AFG1L: variants seen among roughly 807,000 people sequenced by gnomAD.
AFG1L encodes AFG1-like ATPase.
Under a neutral mutation model 62.2 loss-of-function variants are expected in AFG1L, and 53 were observed. The ratio of observed to expected loss-of-function variants is 0.85; its 90% CI spans 0.68 to 1.07. The LOEUF is 1.07. AFG1L is among the 50% of genes least tolerant of loss of function. The pLI is 0.00. For synonymous variants in AFG1L, 228 were observed against 210.3 expected (o/e 1.08, Z -0.73); for missense variants, 555 against 590.5 (o/e 0.94, Z 0.62).
intron 10 of AFG1L, among the ~76,000 whole-genome samples, chr6:108,484,927 G>A (rs1773481954): frequency 1.3e-5 from 2 of 151,932 alleles, no homozygotes; most frequent in South Asian, 2.1e-4. Context: ...AAAAGTTGTT[G>A]ATTTTTTTTT....
chr6:108,382,034 C>G, intron 6 of AFG1L, among the ~76,000 whole-genome samples: 1 of 125,154 alleles, frequency 8.0e-6, no homozygotes, highest in South Asian at 2.7e-4. Context: ...GAGCTTTGCT[C>G]TTGTTGTCCA....
chr6:108,457,723 G>A (rs932843794), intron 8 of AFG1L, among the ~76,000 whole-genome samples: 5 of 151,748 alleles, frequency 3.3e-5, no homozygotes, highest in Non-Finnish European at 5.9e-5. Context: ...AATTTCCCCC[G>A]ATATAATTTC....
At chr6:108,340,028 C>A (rs1161463065) in intron 2 of AFG1L, among the ~76,000 whole-genome samples, 1 of 151,964 alleles carries the variant, frequency 6.6e-6, no homozygotes, top group Non-Finnish European at 1.5e-5. Context: ...CCATCCCCAC[C>A]TCCCCCTCCA....
chr6:108,370,736 A>G (rs1779967910), intron 6 of AFG1L, among the ~76,000 whole-genome samples: 1 of 152,156 alleles, frequency 6.6e-6, no homozygotes. Context: ...AGCTGGGTGA[A>G]TGGTGTGTCT....
At chr6:108,422,477 CAAAAAA>C (rs539232525) in intron 7 of AFG1L, among the ~76,000 whole-genome samples, 8 of 45,810 alleles carry the variant, frequency 1.7e-4, no homozygotes, top group South Asian at 1.2e-3. Flanking sequence ...TAGTCCTCAG[CAAAAAA>C]AAAAAAAAAA....
chr6:108,359,401 G>C (rs1448265007), intron 5 of AFG1L: 3 of 152,258 alleles, frequency 2.0e-5, no homozygotes, highest in Non-Finnish European at 4.4e-5. Flanking sequence ...GAGTGTAAGG[G>C]AGATCCAGGG....
At chr6:108,390,747 C>T (rs774883131) in intron 6 of AFG1L, among the ~76,000 whole-genome samples, 2 of 152,214 alleles carry the variant, frequency 1.3e-5, no homozygotes, top group Non-Finnish European at 2.9e-5. Flanking sequence ...AGAGGGGTAC[C>T]CACTGTGTGA....
rs150332099 is a variant in AFG1L, at chr6:108,306,728, A to G, written c.139+11510A>G. ...TTTGTGCTGTCGGTCAAGTCTCACAACATAGTTTCTAGATCCTTGAACTCC... is the reference window on the plus strand; with the variant it reads ...TTTGTGCTGTCGGTCAAGTCTCACAGCATAGTTTCTAGATCCTTGAACTCC... On this transcript the variant is annotated intron_variant, in intron 1 of 12. Coordinates refer to ENST00000368977, the MANE Select transcript of AFG1L (RefSeq NM_145315.5). Among the ~76,000 whole-genome samples the G allele has an allele frequency of 6.2e-3, 951 of 152,284 alleles. 10 individuals carry two copies. The highest frequency in any genetic ancestry group is 0.02 in the African/African-American group (851 of 41,558).
At chr6:108,433,099 A>G (rs181860873) in intron 7 of AFG1L, among the ~76,000 whole-genome samples, 1 of 152,150 alleles carries the variant, frequency 6.6e-6, no homozygotes, top group Non-Finnish European at 1.5e-5. Context: ...TGAAATTGTT[A>G]CTTTGAAGAG....
At chr6:108,423,380 A>G (rs1031766610) in intron 7 of AFG1L, among the ~76,000 whole-genome samples, 1 of 152,070 alleles carries the variant, frequency 6.6e-6, no homozygotes, top group Admixed American at 6.6e-5. Context: ...GGTAGGATTC[A>G]TTGACATTAT....
chr6:108,295,688 T>A (rs1776743087), intron 1 of AFG1L: 1 of 153,612 alleles, frequency 6.5e-6, no homozygotes, highest in Non-Finnish European at 1.4e-5. Flanking sequence ...GAGGGATCGA[T>A]TCTTGGTGTT....
intron 5 of AFG1L, among the ~76,000 whole-genome samples, chr6:108,365,210 A>G (rs1336068829): frequency 2.0e-5 from 3 of 152,192 alleles, no homozygotes; most frequent in Non-Finnish European, 4.4e-5. Flanking sequence ...TTATATACTT[A>G]GGGGAAGTTG....
chr6:108,315,003 T>C (rs117092259), intron 1 of AFG1L, among the ~76,000 whole-genome samples: 1 of 152,196 alleles, frequency 6.6e-6, no homozygotes, highest in East Asian at 1.9e-4. Flanking sequence ...CATGCCCAGC[T>C]AATTTTTTTG....
At position 108,323,774 on chromosome 6, in the gene AFG1L, A is replaced by G; in HGVS notation, c.140-51A>G. The G allele has an allele frequency of 2.3e-6, 3 of 1,307,394 alleles. No individual in the cohort carries two copies. The South Asian group carries it at 3.6e-5, about 16-fold the overall frequency. 81.0% of individuals were successfully genotyped at this position (1,307,394 alleles called of 1,614,324 possible). ...TTGACCCTTAAGAAATGTGTAGAGC[A>G]CTGTGAAAATGTATTTAAGAAAGTC... On this transcript the variant is annotated intron_variant, in intron 1 of 12. Transcript: ENST00000368977.
At chr6:108,439,454 C>T (rs1275166256) in intron 7 of AFG1L, among the ~76,000 whole-genome samples, 1 of 152,138 alleles carries the variant, frequency 6.6e-6, no homozygotes, top group African/African-American at 2.4e-5. Context: ...TTAGTATCAT[C>T]CTGATCTTCC....
In AFG1L at chr6:108,350,459, C is replaced by T. The variant is rs1466920731; in HGVS notation, c.415+3420C>T. On this transcript the variant is annotated intron_variant, in intron 3 of 12. Transcript: ENST00000368977. Reference sequence around the variant, plus strand: ...GTCCTGCTCACTTCACCTCTTTCTTCGCAGATGTGTTGAGATGATTGACTC... The same window carrying T: ...GTCCTGCTCACTTCACCTCTTTCTTTGCAGATGTGTTGAGATGATTGACTC... 7.9e-5 allele frequency among the ~76,000 whole-genome samples: 12 copies of T among 152,094 alleles called. 1 individual carries two copies. The highest frequency in any genetic ancestry group is 2.4e-4 in the African/African-American group (10 of 41,410).
chr6:108,372,606 G>A (rs962372351), intron 6 of AFG1L, among the ~76,000 whole-genome samples: 1 of 152,118 alleles, frequency 6.6e-6, no homozygotes, highest in Non-Finnish European at 1.5e-5. Flanking sequence ...GGGATTACAG[G>A]TGTGACCCAC....
chr6:108,493,797 T>C (rs1387927679), intron 10 of AFG1L, among the ~76,000 whole-genome samples: 1 of 152,200 alleles, frequency 6.6e-6, no homozygotes, highest in African/African-American at 2.4e-5. Flanking sequence ...TGCTCATTAA[T>C]GATGATGATG....
intron 6 of AFG1L, among the ~76,000 whole-genome samples, chr6:108,399,117 T>G (rs776558724): frequency 6.6e-6 from 1 of 151,738 alleles, no homozygotes; most frequent in Non-Finnish European, 1.5e-5. Flanking sequence ...TGTGCCCTCT[T>G]TAATTTCTTT....
Sources: gnomAD v4.1 joint callset for allele counts (sites outside exome capture counted in the v4.1 genomes callset) on GRCh38, gnomAD v4.1.1 for gene constraint, MANE v1.5 for transcripts, NCBI Gene and HGNC (gene_info 2026-07-23, HGNC 2026-07-21) for gene names.